ADCY7: variants seen among roughly 807,000 people sequenced by gnomAD.
ADCY7 encodes adenylate cyclase 7, also known as adenylate cyclase type 7.
Under a neutral mutation model 120.6 loss-of-function variants are expected in ADCY7, and 72 were observed. The observed-to-expected ratio is 0.60, with a 90% CI of 0.49 to 0.73. ADCY7 has a LOEUF of 0.73. Ranked by LOEUF, ADCY7 falls within the 30% of genes least tolerant of loss-of-function variation. The pLI, the probability that ADCY7 is intolerant of heterozygous loss-of-function variation, is 0.00. For missense variants in ADCY7, 1,227 were observed against 1,486.0 expected (o/e 0.83, Z 2.87); for synonymous variants, 661 against 628.0 (o/e 1.05, Z -0.78).
chr16:50,308,922 G>T (rs907745038), intron 17 of ADCY7, 130 bp downstream of exon 17: 1 of 1,254,252 alleles, frequency 8.0e-7, no homozygotes, highest in African/African-American at 1.5e-5. Context: ...GGATGTGGGG[G>T]GTTCCCCTTT....
chr16:50,256,441 G>A (rs957372541), intron 1 of ADCY7, among the ~76,000 whole-genome samples: 8 of 152,312 alleles, frequency 5.3e-5, no homozygotes, highest in East Asian at 3.9e-4. Context: ...GGTGGCTCAC[G>A]CCTGTAATTC....
At chr16:50,255,154 G>C (rs991281640) in intron 1 of ADCY7, among the ~76,000 whole-genome samples, 3 of 147,692 alleles carry the variant, frequency 2.0e-5, no homozygotes. Context: ...AAAATTTGCC[G>C]AGTGTGGTGG....
intron 10 of ADCY7, chr16:50,302,105 CAA>C (rs2035763936): frequency 6.5e-6 from 1 of 152,900 alleles, no homozygotes; most frequent in Non-Finnish European, 1.5e-5. Flanking sequence ...CCCGCCCCTC[CAA>C]GCCCCTTCCC....
At chr16:50,273,511 A>C (rs1290220472) in intron 1 of ADCY7, among the ~76,000 whole-genome samples, 2 of 152,246 alleles carry the variant, frequency 1.3e-5, no homozygotes, top group Non-Finnish European at 2.9e-5. Flanking sequence ...GCAGGAGCTC[A>C]GTGGCACTTG....
In ADCY7 at chr16:50,301,219, G is replaced by A. The variant is rs764403147; in HGVS notation, c.1368+5G>A. 36 of 1,577,652 alleles carry A rather than the reference G, an allele frequency of 2.3e-5. No individual in the cohort carries two copies. In the Admixed American group the frequency reaches 5.8e-4, roughly 25 times the overall value. Reference sequence around the variant, plus strand: ...TACCTGGTCATCGACCCCCGGGTACGAGGGCTCAGAGGCCGCAGCTGGGGG... The same window carrying A: ...TACCTGGTCATCGACCCCCGGGTACAAGGGCTCAGAGGCCGCAGCTGGGGG... On this transcript the variant is annotated splice_donor_5th_base_variant and intron_variant, in intron 10 of 25. Coordinates refer to ENST00000673801, the MANE Select transcript of ADCY7 (RefSeq NM_001114.5).
At chr16:50,276,718 A>G (rs2033916322) in intron 1 of ADCY7, among the ~76,000 whole-genome samples, 2 of 152,012 alleles carry the variant, frequency 1.3e-5, no homozygotes, top group Non-Finnish European at 2.9e-5. Context: ...TCAGCCTCCC[A>G]AGTTTGCTGG....
chr16:50,290,224 G>A (rs1385948011), intron 2 of ADCY7, among the ~76,000 whole-genome samples: 1 of 152,206 alleles, frequency 6.6e-6, no homozygotes, highest in Non-Finnish European at 1.5e-5. Flanking sequence ...CATCATGGGC[G>A]GGGCTGTGGG....
At chr16:50,245,479 CCTGT>C (rs1162204826), upstream of ADCY7, among the ~76,000 whole-genome samples, 1 of 152,146 alleles carries the variant, frequency 6.6e-6, no homozygotes, top group Non-Finnish European at 1.5e-5. Context: ...TCTTGCTCAC[CCTGT>C]CTGAGTTTCT....
Position 50,310,874 on chromosome 16 carries a change from C to T in ADCY7, c.2348C>T (p.Thr783Ile). ...GLGNLTKPNG[T>I]TSGTPSCSWK... ...GGCAACCTCACCAAGCCCAACGGCA[C>T]CACCAGGTGGGGTCCCGCCCGTCCC... The change falls in exon 19 of 26, where the codon ACC becomes ATC. Residue 783 changes from threonine (T) to isoleucine (I), a missense_variant. Transcript: ENST00000673801. 1 of 1,603,360 alleles carries T rather than the reference C, an allele frequency of 6.2e-7. No individual in the cohort carries two copies. The highest frequency in any genetic ancestry group is 8.5e-7 in the Non-Finnish European group (1 of 1,175,722).
intron 1 of ADCY7, among the ~76,000 whole-genome samples, chr16:50,280,418 G>C (rs1187109385): frequency 6.8e-6 from 1 of 147,830 alleles, no homozygotes; most frequent in Non-Finnish European, 1.5e-5. Flanking sequence ...TCTTTTGAAT[G>C]GTTTTTTGTG....
At chr16:50,298,813 G>A (rs572875223) in intron 7 of ADCY7, 91 bp from the exon 8 acceptor site, 267 of 1,519,674 alleles carry the variant, frequency 1.8e-4, no homozygotes, top group Non-Finnish European at 2.0e-4. Flanking sequence ...GGAGAGAGCC[G>A]GGTGCACCCT....
rs374768967 is a variant in ADCY7, at chr16:50,311,010, T to C, written c.2354+130T>C. 608 of 962,650 alleles carry C rather than the reference T, an allele frequency of 6.3e-4. 2 individuals carry two copies. In the African/African-American group the frequency reaches 8.9e-3, roughly 14 times the overall value. 59.6% of individuals were successfully genotyped at this position (962,650 alleles called of 1,614,324 possible). On this transcript the variant is annotated intron_variant, in intron 19 of 25. Transcript: ENST00000673801. Reference sequence around the variant, plus strand: ...TGCAGGGCGGGGCTGGCAGATGGTGTCCAGCGCTCAGAGCCGAGGAATTCA... The same window carrying C: ...TGCAGGGCGGGGCTGGCAGATGGTGCCCAGCGCTCAGAGCCGAGGAATTCA...
intron 4 of ADCY7, 95 bp downstream of exon 4, chr16:50,291,992 C>T (rs1272983208): frequency 2.2e-6 from 3 of 1,375,224 alleles, no homozygotes; most frequent in Admixed American, 2.6e-5. Context: ...ACCCGAAGGC[C>T]CCGGAGCCGT....
chr16:50,312,787 T>G, intron 21 of ADCY7, 103 bp from the exon 22 acceptor site: 3 of 971,732 alleles, frequency 3.1e-6, no homozygotes, highest in Middle Eastern at 4.0e-4. Flanking sequence ...CCCCGAAAGC[T>G]GGGCTGGGCA....
intron 19 of ADCY7, among the ~76,000 whole-genome samples, chr16:50,311,315 G>A (rs1255610598): frequency 2.6e-5 from 4 of 152,062 alleles, no homozygotes; most frequent in South Asian, 2.1e-4. Flanking sequence ...CAAAAAAGCT[G>A]GAAGCCTGGG....
rs780138521 is a variant in ADCY7 at position 50,307,043 on chromosome 16, C to A, written c.1753-7C>A. 1 of 1,604,914 alleles carries A rather than the reference C, an allele frequency of 6.2e-7. No individual in the cohort carries two copies. The highest frequency in any genetic ancestry group is 8.5e-7 in the Non-Finnish European group (1 of 1,178,620). On this transcript the variant is annotated splice_polypyrimidine_tract_variant and splice_region_variant and intron_variant, in intron 14 of 25. Transcript: ENST00000673801. ...TGGCCACCCCTCACAGTCCCTGCTG[C>A]CCCCAGTACCGCCTGGCACCCATCC...
intron 1 of ADCY7, among the ~76,000 whole-genome samples, chr16:50,278,150 G>T (rs556697048): frequency 6.6e-6 from 1 of 150,508 alleles, no homozygotes; most frequent in Non-Finnish European, 1.5e-5. Context: ...AGCGATTCTC[G>T]TGCCCCAGCC....
At chr16:50,267,455 A>G (rs1009183347) in intron 1 of ADCY7, among the ~76,000 whole-genome samples, 1 of 152,152 alleles carries the variant, frequency 6.6e-6, no homozygotes, top group African/African-American at 2.4e-5. Context: ...AAGGGCCTGG[A>G]GGTAGGGGCC....
chr16:50,306,854 C>G (rs984024997), intron 14 of ADCY7, among the ~76,000 whole-genome samples, 196 bp from the exon 15 acceptor site: 4 of 152,340 alleles, frequency 2.6e-5, no homozygotes, highest in Admixed American at 6.5e-5. Context: ...GAGATGGGGA[C>G]TCACTATGTT....
Sources: gnomAD v4.1 joint callset for allele counts (sites outside exome capture counted in the v4.1 genomes callset) on GRCh38, gnomAD v4.1.1 for gene constraint, MANE v1.5 for transcripts, NCBI Gene and HGNC (gene_info 2026-07-23, HGNC 2026-07-21) for gene names.